The following DIP2C variants were observed in gnomAD, a reference collection of about 807,000 sequenced individuals.
DIP2C encodes the protein DIP2 acetate--CoA ligase C (putative).
DIP2C carries 33 observed loss-of-function variants against 192.4 expected under a neutral mutation model. The ratio of observed to expected loss-of-function variants is 0.17; its 90% confidence interval spans 0.13 to 0.23. The LOEUF is 0.23. DIP2C is among the 10% of genes least tolerant of loss of function. DIP2C has a pLI of 1.00. For synonymous variants in DIP2C, 979 were observed against 864.1 expected (o/e 1.13, Z -2.33); for missense variants, 1,537 against 2,110.1 (o/e 0.73, Z 5.32).
At chr10:419,883 C>T (rs1036845951) in intron 5 of DIP2C, among the ~76,000 whole-genome samples, 9 of 152,154 alleles carry the variant, frequency 5.9e-5, no homozygotes, top group South Asian at 4.1e-4. Context: ...CTTACAGCAC[C>T]CCCTGGAGAT....
rs1831453271 is a variant in DIP2C, at chr10:689,260, G to A, written c.85+234C>T. On this transcript the variant is annotated intron_variant, in intron 1 of 36. Transcript: ENST00000280886. This position sits in a 1 kb window ranked among gnomAD's most constrained non-coding sequence, Gnocchi z 6.1. ...CCCAGGCCCCACAGACACCCCCAGG[G>A]CGCGGGGAATCGCGGCCCCACAAAC... Among the ~76,000 whole-genome samples the A allele has an allele frequency of 1.3e-5, 2 of 151,306 alleles. No homozygotes were observed. The highest frequency in any genetic ancestry group is 2.0e-4 in the East Asian group (1 of 5,082).
At chr10:583,478 T>C (rs1850792050) in intron 1 of DIP2C, among the ~76,000 whole-genome samples, 1 of 152,230 alleles carries the variant, frequency 6.6e-6, no homozygotes, top group Non-Finnish European at 1.5e-5. Context: ...CCTAGTGAAC[T>C]TTCAATGTTC....
At chr10:620,084 C>G (rs941609020) in intron 1 of DIP2C, among the ~76,000 whole-genome samples, 1 of 152,168 alleles carries the variant, frequency 6.6e-6, no homozygotes, top group Non-Finnish European at 1.5e-5. Context: ...GTAGTGATTG[C>G]GATCAGGGTC....
intron 33 of DIP2C, among the ~76,000 whole-genome samples, chr10:287,940 T>C (rs34144873): frequency 2.5e-4 from 38 of 152,310 alleles, no homozygotes; most frequent in Non-Finnish European, 5.1e-4. Context: ...TTCTGATCAA[T>C]GGAATTTCAG....
intron 29 of DIP2C, among the ~76,000 whole-genome samples, chr10:334,316 A>AAAG (rs1386601198): frequency 7.9e-5 from 12 of 151,320 alleles, no homozygotes; most frequent in Non-Finnish European, 1.5e-4. Flanking sequence ...AAAAAAAAAA[A>AAAG]AAAAAAAAAG....
At chr10:657,850 C>A (rs1347226700) in intron 1 of DIP2C, among the ~76,000 whole-genome samples, 2 of 146,180 alleles carry the variant, frequency 1.4e-5, no homozygotes, top group African/African-American at 2.5e-5. Flanking sequence ...CCTGGACCTG[C>A]CGCTGGACCT....
At chr10:560,266 G>GGA (rs989500667) in intron 1 of DIP2C, among the ~76,000 whole-genome samples, 2 of 152,280 alleles carry the variant, frequency 1.3e-5, no homozygotes, top group South Asian at 2.1e-4. Flanking sequence ...ACAGGATGGA[G>GGA]GAGTCACAAA....
intron 10 of DIP2C, among the ~76,000 whole-genome samples, chr10:398,429 T>C (rs1964159271): frequency 6.6e-6 from 1 of 152,206 alleles, no homozygotes. Context: ...CTTCAAGCTG[T>C]CCCACCTTTC....
At chr10:428,747 A>C (rs1371663442) in intron 4 of DIP2C, among the ~76,000 whole-genome samples, 1 of 151,880 alleles carries the variant, frequency 6.6e-6, no homozygotes. Context: ...TTTCCTTCTT[A>C]TATTACAAGG....
Position 647,890 on chromosome 10 carries a change from T to C in DIP2C, c.85+41604A>G, listed in dbSNP as rs533685972. Reference sequence around the variant, plus strand: ...GAGGGAAACTGAGTCCACGTCGACATTGGATGGTGGGAGAGAACAGAGGGA... The same window carrying C: ...GAGGGAAACTGAGTCCACGTCGACACTGGATGGTGGGAGAGAACAGAGGGA... On this transcript the variant is annotated intron_variant, in intron 1 of 36. Transcript: ENST00000280886. Among the ~76,000 whole-genome samples the C allele has an allele frequency of 1.4e-3, 206 of 145,748 alleles. 3 individuals are homozygous for C. The highest frequency in any genetic ancestry group is 4.7e-3 in the African/African-American group (181 of 38,900).
Position 329,427 on chromosome 10 carries a change from G to A in DIP2C, c.3753+6C>T, listed in dbSNP as rs1168007154. ...AGGGCACTGAGCTGCCAAGGGAGCT[G>A]CTTACCTTGAGGGACTCTGTTTGCG... On this transcript the variant is annotated splice_donor_region_variant and intron_variant, in intron 30 of 36. Coordinates refer to ENST00000280886, the MANE Select transcript of DIP2C (RefSeq NM_014974.3). 2 of 1,611,420 alleles carry A rather than the reference G, an allele frequency of 1.2e-6. No individual in the cohort carries two copies. The highest frequency in any genetic ancestry group is 8.5e-7 in the Non-Finnish European group (1 of 1,178,704).
At chr10:616,576 C>T (rs1230964119) in intron 1 of DIP2C, among the ~76,000 whole-genome samples, 1 of 152,176 alleles carries the variant, frequency 6.6e-6, no homozygotes, top group African/African-American at 2.4e-5. Flanking sequence ...CCCAACAGCC[C>T]CTCGCCCAGC....
intron 32 of DIP2C, among the ~76,000 whole-genome samples, 170 bp from the exon 33 acceptor site, chr10:288,591 T>C (rs928739757): frequency 2.6e-5 from 4 of 152,146 alleles, no homozygotes; most frequent in African/African-American, 4.8e-5. Context: ...CAGAGGAAAC[T>C]GAACCCGAAG....
At chr10:325,771 G>A (rs937643261) in intron 31 of DIP2C, among the ~76,000 whole-genome samples, 3 of 152,096 alleles carry the variant, frequency 2.0e-5, no homozygotes, top group African/African-American at 7.2e-5. Context: ...TTAATCATAG[G>A]ACAAGGTTTA....
intron 1 of DIP2C, among the ~76,000 whole-genome samples, chr10:587,599 C>CA (rs1209773620): frequency 6.6e-6 from 1 of 152,038 alleles, no homozygotes; most frequent in African/African-American, 2.4e-5. Flanking sequence ...CCCACATCCA[C>CA]ACCAGGCACT....
chr10:487,931 T>G (rs1844144095), intron 1 of DIP2C, among the ~76,000 whole-genome samples: 1 of 152,184 alleles, frequency 6.6e-6, no homozygotes, highest in Admixed American at 6.5e-5. Flanking sequence ...GCAGAAATGT[T>G]AAAGCTTGCC....
chr10:622,298 G>A (rs1457940363), intron 1 of DIP2C, among the ~76,000 whole-genome samples: 3 of 77,820 alleles, frequency 3.9e-5, no homozygotes, highest in Non-Finnish European at 8.0e-5. Context: ...GAGGGAGGGA[G>A]GAGGGGGGAG....
intron 30 of DIP2C, among the ~76,000 whole-genome samples, chr10:328,543 C>A (rs1957368848): frequency 6.6e-6 from 1 of 152,188 alleles, no homozygotes; most frequent in Non-Finnish European, 1.5e-5. Flanking sequence ...TGAAAATGTA[C>A]TCACTTTCTA....
Position 389,771 on chromosome 10 carries a change from C to T in DIP2C, c.1597+220G>A, listed in dbSNP as rs61836848. Among the ~76,000 whole-genome samples, 851 of 152,372 alleles carry T rather than the reference C, an allele frequency of 5.6e-3. 8 individuals are homozygous for T. Among genetic ancestry groups the T allele is most frequent in the Middle Eastern group, 0.02 (6 of 294 alleles). On this transcript the variant is annotated intron_variant, in intron 13 of 36. Coordinates refer to ENST00000280886, the MANE Select transcript of DIP2C (RefSeq NM_014974.3). ...AGGACACGCTGACCTCAGACCTCCG[C>T]GCTGTGCGGACATAAATGTCTGCTG...
Sources: gnomAD v4.1 joint callset for allele counts (sites outside exome capture counted in the v4.1 genomes callset) on GRCh38, gnomAD v4.1.1 for gene constraint, Gnocchi (gnomAD v3.1) non-coding constraint, MANE v1.5 for transcripts, NCBI Gene and HGNC (gene_info 2026-07-23, HGNC 2026-07-21) for gene names.